Variants in INPP5F observed in about 807,000 individuals in gnomAD.
INPP5F encodes the protein inositol polyphosphate-5-phosphatase F.
INPP5F carries 97 observed loss-of-function variants against 137.2 expected under a neutral mutation model. The observed-to-expected ratio is 0.71, with a 90% CI of 0.60 to 0.84. The LOEUF is 0.84. INPP5F is among the 40% of genes least tolerant of loss of function. The pLI, the probability that INPP5F is intolerant of heterozygous loss-of-function variation, is 0.00. For missense variants in INPP5F, 1,271 were observed against 1,371.9 expected (o/e 0.93, Z 1.16); for synonymous variants, 504 against 476.9 (o/e 1.06, Z -0.74).
intron 2 of INPP5F, among the ~76,000 whole-genome samples, chr10:119,779,239 G>C (rs1849624349): frequency 6.6e-6 from 1 of 152,140 alleles, no homozygotes; most frequent in African/African-American, 2.4e-5. Flanking sequence ...TGGTACACCT[G>C]TATTGGGCAT....
At chr10:119,733,195 T>A (rs867574376) in intron 1 of INPP5F, among the ~76,000 whole-genome samples, 6 of 152,184 alleles carry the variant, frequency 3.9e-5, no homozygotes, top group Admixed American at 2.6e-4. Context: ...GCAAGCACAT[T>A]AAGGAAGGAT....
intron 6 of INPP5F, among the ~76,000 whole-genome samples, chr10:119,795,066 G>A (rs1245809315): frequency 1.3e-4 from 17 of 131,168 alleles, no homozygotes; most frequent in Admixed American, 2.2e-4. Flanking sequence ...GCGGCTGGCC[G>A]GGCGGGGGGC....
chr10:119,776,815 G>A lies in INPP5F; in HGVS notation c.179-4820G>A, dbSNP rs117896735. Among the ~76,000 whole-genome samples the A allele has an allele frequency of 9.3e-3, 1,409 of 152,052 alleles. 12 individuals carry two copies. The highest frequency in any genetic ancestry group is 0.015 in the Non-Finnish European group (1,019 of 67,990). On this transcript the variant is annotated intron_variant, in intron 2 of 19. Coordinates refer to ENST00000650623, the MANE Select transcript of INPP5F (RefSeq NM_014937.4). Reference sequence around the variant, plus strand: ...ATCCAGGCTGGAGTACAGTGATCCAGTCATAGCTCACTGCAGCCTTGAACT... The same window carrying A: ...ATCCAGGCTGGAGTACAGTGATCCAATCATAGCTCACTGCAGCCTTGAACT...
chr10:119,786,632 C>T (rs113608495), intron 3 of INPP5F, among the ~76,000 whole-genome samples: 1,626 of 152,098 alleles, frequency 0.011, 34 homozygotes, highest in African/African-American at 0.038. Context: ...TGCCTTCAGC[C>T]CCCCAAGTGG....
intron 6 of INPP5F, among the ~76,000 whole-genome samples, chr10:119,794,881 C>A (rs1467278515): frequency 2.6e-5 from 3 of 114,528 alleles, no homozygotes; most frequent in African/African-American, 6.2e-5. Flanking sequence ...CCGGACGGGG[C>A]GGCTGGCCGG....
intron 6 of INPP5F, among the ~76,000 whole-genome samples, chr10:119,792,661 C>T (rs959284320): frequency 6.0e-5 from 9 of 150,452 alleles, no homozygotes; most frequent in Non-Finnish European, 1.0e-4. Context: ...TGCTGTACTA[C>T]CAGTATTTGA....
chr10:119,763,925 T>C (rs1849079525), intron 2 of INPP5F, among the ~76,000 whole-genome samples: 1 of 152,208 alleles, frequency 6.6e-6, no homozygotes, highest in Non-Finnish European at 1.5e-5. Context: ...TTCAACCAAG[T>C]TCTTTGCCAC....
intron 3 of INPP5F, among the ~76,000 whole-genome samples, chr10:119,789,494 G>C (rs756348627): frequency 1.3e-5 from 2 of 152,066 alleles, no homozygotes; most frequent in African/African-American, 4.8e-5. Context: ...AAGGAGGGTG[G>C]GGTGTGTACA....
At chr10:119,799,689 A>G (rs1850515536) in intron 9 of INPP5F, among the ~76,000 whole-genome samples, 1 of 152,198 alleles carries the variant, frequency 6.6e-6, no homozygotes, top group Non-Finnish European at 1.5e-5. Flanking sequence ...AATTAAACAT[A>G]CTTATACTGC....
intron 1 of INPP5F, among the ~76,000 whole-genome samples, chr10:119,750,568 A>G (rs779346367): frequency 5.3e-5 from 8 of 152,242 alleles, no homozygotes; most frequent in African/African-American, 1.7e-4. Flanking sequence ...AAGGCACTCA[A>G]ACGGAAACAG....
chr10:119,792,889 T>G (rs1850199249), intron 6 of INPP5F, among the ~76,000 whole-genome samples: 1 of 152,206 alleles, frequency 6.6e-6, no homozygotes, highest in Non-Finnish European at 1.5e-5. Flanking sequence ...TATGTTATCT[T>G]TTAACCTTTC....
chr10:119,761,486 T>C (rs1849007583), intron 2 of INPP5F, among the ~76,000 whole-genome samples: 2 of 152,194 alleles, frequency 1.3e-5, no homozygotes, highest in African/African-American at 4.8e-5. Context: ...TACTTGTTTT[T>C]CCATTTACTT....
chr10:119,769,956 C>G (rs188875209), intron 2 of INPP5F, among the ~76,000 whole-genome samples: 1 of 143,972 alleles, frequency 6.9e-6, no homozygotes, highest in Non-Finnish European at 1.5e-5. Flanking sequence ...TCTAGAGAAC[C>G]GTAATGCAGG....
intron 19 of INPP5F, among the ~76,000 whole-genome samples, chr10:119,825,346 TC>T (rs1851714712): frequency 6.6e-6 from 1 of 152,168 alleles, no homozygotes; most frequent in Admixed American, 6.5e-5. Context: ...ATCCTCAGTT[TC>T]AAGAAAAACT....
In INPP5F at chr10:119,751,101, T is replaced by A. The variant is rs1223199495; in HGVS notation, c.123T>A (p.Asn41Lys). 1 of 1,611,232 alleles carries A rather than the reference T, an allele frequency of 6.2e-7. No homozygotes were observed. The highest frequency in any genetic ancestry group is 8.5e-7 in the Non-Finnish European group (1 of 1,177,310). ...RPATDLLLAW[N>K]PICLGLVEGV... ...CTACTGATCTACTTCTTGCCTGGAATCCCATTTGTTTGGGGTTGGTAGAAG... is the reference window on the plus strand; with the variant it reads ...CTACTGATCTACTTCTTGCCTGGAAACCCATTTGTTTGGGGTTGGTAGAAG... The change falls in exon 2 of 20, where the codon AAT becomes AAA. Residue 41 changes from asparagine (N) to lysine (K), a missense_variant. Transcript: ENST00000650623.
intron 1 of INPP5F, among the ~76,000 whole-genome samples, chr10:119,741,029 C>T (rs943270639): frequency 9.9e-5 from 15 of 152,234 alleles, no homozygotes; most frequent in East Asian, 3.9e-4. Flanking sequence ...TACAGGTGTC[C>T]GGCTAAGTTA....
At chr10:119,788,150 G>GCTA (rs1849990309) in intron 3 of INPP5F, among the ~76,000 whole-genome samples, 1 of 152,130 alleles carries the variant, frequency 6.6e-6, no homozygotes, top group South Asian at 2.1e-4. Context: ...CCTGAAATAG[G>GCTA]GCATACCAGA....
intron 2 of INPP5F, among the ~76,000 whole-genome samples, chr10:119,766,677 A>G (rs1047887979): frequency 6.6e-6 from 1 of 152,244 alleles, no homozygotes; most frequent in Non-Finnish European, 1.5e-5. Context: ...GAAACAATGG[A>G]AGCCAGAAGA....
rs1313290386 is a variant in INPP5F, at chr10:119,748,701, C to G, written c.98-2375C>G. Among the ~76,000 whole-genome samples, 1 of 152,128 alleles carries G rather than the reference C, an allele frequency of 6.6e-6. No individual in the cohort carries two copies. Among genetic ancestry groups the G allele is most frequent in the Non-Finnish European group, 1.5e-5 (1 of 68,014 alleles). On this transcript the variant is annotated intron_variant, in intron 1 of 19. Transcript: ENST00000650623. This position sits in a 1 kb window ranked among gnomAD's most constrained non-coding sequence, Gnocchi z 4.7. ...CTGAGTCCGGGATTTTTAATGGGCT[C>G]AGAATGGAGGAAGTGTGTGCTGATT...
Sources: gnomAD v4.1 joint callset for allele counts (sites outside exome capture counted in the v4.1 genomes callset) on GRCh38, gnomAD v4.1.1 for gene constraint, Gnocchi (gnomAD v3.1) non-coding constraint, MANE v1.5 for transcripts, NCBI Gene and HGNC (gene_info 2026-07-23, HGNC 2026-07-21) for gene names.